Variants in DNTTIP2 observed in about 807,000 individuals in gnomAD.
DNTTIP2 encodes the protein deoxynucleotidyltransferase terminal interacting protein 2, also known as deoxynucleotidyltransferase terminal-interacting protein 2.
In DNTTIP2, 47 loss-of-function variants were observed where a neutral mutation model predicts 62.4. That is an observed-to-expected ratio of 0.75 (90% confidence interval 0.60 to 0.96). DNTTIP2 has a LOEUF of 0.96. DNTTIP2 is among the 40% of genes least tolerant of loss of function. DNTTIP2 has a pLI of 0.00. For missense variants in DNTTIP2, 870 were observed against 849.1 expected, an observed-to-expected ratio of 1.02 and a Z score of -0.31; for synonymous variants, 322 against 300.9, an observed-to-expected ratio of 1.07 and a Z score of -0.73.
Position 93,877,781 on chromosome 1 carries a change from T to C in DNTTIP2, c.154A>G (p.Thr52Ala). Residue 52 changes from threonine (T) to alanine (A), a missense_variant, in exon 2 of 7, where the codon ACT (threonine) becomes GCT (alanine). By Grantham distance (58) the Thr-to-Ala change is moderately conservative. Coordinates refer to ENST00000436063, the MANE Select transcript of DNTTIP2 (RefSeq NM_014597.5). Reference protein sequence around the residue: ...DARTTAESQTTGKQSLIPRTP... With the variant: ...DARTTAESQTAGKQSLIPRTP... ...CTAGGGATTAAACTTTGCTTCCCAG[T>C]GGTCTGTGATTCAGCAGTAGTTCGG... 1.9e-6 allele frequency: 3 copies of C among 1,611,374 alleles called. No individual in the cohort carries two copies. Among genetic ancestry groups the C allele is most frequent in the South Asian group, 2.2e-5 (2 of 91,076 alleles).
At chr1:93,872,274 T>C (rs1182807970) in intron 4 of DNTTIP2, 38 bp from the exon 5 acceptor site, 1 of 1,598,926 alleles carries the variant, frequency 6.3e-7, no homozygotes, top group Admixed American at 1.7e-5. Context: ...TTCTAACAGC[T>C]AAGAGTATAC....
intron 3 of DNTTIP2, among the ~76,000 whole-genome samples, chr1:93,874,191 T>G (rs11165028): frequency 0.083 from 12,593 of 152,208 alleles, 1,350 homozygotes; most frequent in African/African-American, 0.24. Context: ...GGTTCTCAAC[T>G]GGGAGCATCT....
In DNTTIP2 at chr1:93,877,452, T is replaced by C. The variant is rs1348974528; in HGVS notation, c.483A>G (p.Thr161=). 1.2e-5 allele frequency: 19 copies of C among 1,613,792 alleles called. No individual in the cohort carries two copies. The highest frequency in any genetic ancestry group is 1.6e-5 in the Non-Finnish European group (19 of 1,179,878). The part of the protein sequence containing the change: ...SRIVLPTEKT[T]GARRSKAKSL... ...ATTTAGCCTTACTTCTTCTGGCTCCTGTAGTTTTTTCTGTAGGAAGCACAA... is the reference window on the plus strand; with the variant it reads ...ATTTAGCCTTACTTCTTCTGGCTCCCGTAGTTTTTTCTGTAGGAAGCACAA... The change falls in exon 2 of 7, where the codon ACA becomes ACG. Residue 161 remains threonine (T), a synonymous_variant. Coordinates refer to ENST00000436063, the MANE Select transcript of DNTTIP2 (RefSeq NM_014597.5).
chr1:93,872,016 A>G, intron 5 of DNTTIP2, 56 bp downstream of exon 5: 1 of 1,584,198 alleles, frequency 6.3e-7, no homozygotes, highest in Non-Finnish European at 8.6e-7. Context: ...AGAACACTAC[A>G]GTGCTTTCCA....
intron 1 of DNTTIP2, chr1:93,878,699 C>T (rs1377139580): frequency 1.2e-5 from 2 of 172,982 alleles, no homozygotes; most frequent in Non-Finnish European, 2.5e-5. Context: ...CTGCCAGCCT[C>T]CCCACGTGAA....
At chr1:93,876,236 C>T in intron 2 of DNTTIP2, 32 bp downstream of exon 2, 1 of 1,458,654 alleles carries the variant, frequency 6.9e-7, no homozygotes, top group Non-Finnish European at 9.0e-7. Flanking sequence ...ATACATGTAT[C>T]AAAAACTTAT....
chr1:93,874,328 T>C (rs534455654), intron 3 of DNTTIP2, among the ~76,000 whole-genome samples: 2 of 152,258 alleles, frequency 1.3e-5, no homozygotes, highest in Admixed American at 6.5e-5. Flanking sequence ...AACAAAATTA[T>C]GCAGCCCAAA....
At chr1:93,870,971 A>G (rs1345178717) in intron 5 of DNTTIP2, 179 bp from the exon 6 acceptor site, 7 of 395,258 alleles carry the variant, frequency 1.8e-5, no homozygotes, top group South Asian at 7.2e-5. Flanking sequence ...TAGTGGTGCT[A>G]TTATGTTTCT....
intron 5 of DNTTIP2, among the ~76,000 whole-genome samples, chr1:93,871,507 T>C (rs1655862625): frequency 6.6e-6 from 1 of 152,140 alleles, no homozygotes; most frequent in Non-Finnish European, 1.5e-5. Flanking sequence ...ATATGCAAAG[T>C]CAAATTATGC....
chr1:93,879,048 C>G (rs1469312638), intron 1 of DNTTIP2, 29 bp downstream of exon 1: 11 of 1,611,678 alleles, frequency 6.8e-6, no homozygotes, highest in Non-Finnish European at 7.6e-6. Context: ...TGCGAAGCGG[C>G]GAGAAGTAGG....
At chr1:93,870,658 A>G (rs774257877) in intron 6 of DNTTIP2, 25 bp downstream of exon 6, 3 of 1,333,890 alleles carry the variant, frequency 2.2e-6, no homozygotes, top group Non-Finnish European at 2.0e-6. Context: ...TATACATATT[A>G]TAAAATAAAT....
intron 1 of DNTTIP2, 68 bp downstream of exon 1, chr1:93,879,009 G>A: frequency 6.3e-7 from 1 of 1,586,170 alleles, no homozygotes; most frequent in Admixed American, 1.7e-5. Context: ...CCGGACCCTT[G>A]CGCCGCCCCG....
chr1:93,879,051 G>T (rs12080386), intron 1 of DNTTIP2, 26 bp downstream of exon 1: 1 of 1,612,470 alleles, frequency 6.2e-7, no homozygotes, highest in Non-Finnish European at 8.5e-7. Context: ...GAAGCGGCGA[G>T]AAGTAGGGAA....
intron 2 of DNTTIP2, 57 bp from the exon 3 acceptor site, chr1:93,875,840 A>G (rs1655986105): frequency 6.6e-7 from 1 of 1,521,930 alleles, no homozygotes. Context: ...GGAAACATAT[A>G]AGATGGCATT....
In DNTTIP2 at chr1:93,877,713, T is replaced by C; in HGVS notation, c.222A>G (p.Ser74=). 1 of 1,613,978 alleles carries C rather than the reference T, an allele frequency of 6.2e-7. No homozygotes were observed. The highest frequency in any genetic ancestry group is 2.2e-5 in the East Asian group (1 of 44,878). ...ARKRKSRTTG[S]LPKGTEPSTD... is the part of the protein sequence containing the mutation. ...TAGATGGTTCAGTCCCCTTTGGTAG[T>C]GAGCCTGTAGTTCTGCTCTTCCTCT... is the stretch of plus-strand genomic sequence containing the variant. Residue 74 remains serine, a synonymous_variant, in exon 2 of 7, where the codon TCA becomes TCG. Coordinates refer to ENST00000436063, the MANE Select transcript of DNTTIP2 (RefSeq NM_014597.5).
Position 93,877,146 on chromosome 1 carries a change from A to C in DNTTIP2, c.789T>G (p.Asn263Lys). 6.2e-7 allele frequency: 1 copy of C among 1,612,692 alleles called. No individual in the cohort carries two copies. The highest frequency in any genetic ancestry group is 8.5e-7 in the Non-Finnish European group (1 of 1,179,850). Residue 263 changes from asparagine to lysine, a missense_variant, in exon 2 of 7, where the codon AAT becomes AAG. Physicochemically the swap from Asn to Lys is moderately conservative, Grantham distance 94 (BLOSUM62 0). Transcript: ENST00000436063. ...TGTGGGAGAAATCATCATCAAAGTC[A>C]TTATTATAGAAATTTGGCTTATTTA... The part of the protein sequence containing the change: ...SEINKPNFYN[N>K]DFDDDFSHRS...
At chr1:93,875,546 A>G in intron 3 of DNTTIP2, 99 bp downstream of exon 3, 3 of 1,265,846 alleles carry the variant, frequency 2.4e-6, no homozygotes, top group Non-Finnish European at 3.2e-6. Flanking sequence ...CATTAGGCCA[A>G]TGTGGTTTCA....
Position 93,867,173 on chromosome 1 carries a change from G to C in DNTTIP2, c.*2678C>G, listed in dbSNP as rs1655742301. 6.7e-6 allele frequency: 1 copy of C among 148,280 alleles called. No homozygotes were observed. The allele number at this position is 148,280 out of a possible 1,614,324, so 9.2% of individuals were successfully genotyped here. On this transcript the variant is annotated 3_prime_UTR_variant, in exon 7 of 7. Coordinates refer to ENST00000436063, the MANE Select transcript of DNTTIP2 (RefSeq NM_014597.5). The stretch of plus-strand genomic sequence containing the variant: ...AAAAAAAAAAAAAAAGCATCTTGGA[G>C]CCAGATGGTGTATAAATACAGCATT...
intron 6 of DNTTIP2, among the ~76,000 whole-genome samples, 154 bp from the exon 7 acceptor site, chr1:93,870,098 A>G (rs1655819280): frequency 6.6e-6 from 1 of 152,074 alleles, no homozygotes; most frequent in African/African-American, 2.4e-5. Flanking sequence ...AAAAAATGGC[A>G]ACTGTAGTAG....
Sources: gnomAD v4.1 joint callset for allele counts (sites outside exome capture counted in the v4.1 genomes callset) on GRCh38, gnomAD v4.1.1 for gene constraint, MANE v1.5 for transcripts, NCBI Gene and HGNC (gene_info 2026-07-23, HGNC 2026-07-21) for gene names.